The following SCN2A variants were observed in gnomAD, a reference collection of about 807,000 sequenced individuals.
SCN2A encodes the protein sodium channel protein type 2 subunit alpha.
A neutral mutation model predicts 188.7 loss-of-function variants in SCN2A; 20 were observed. The observed-to-expected ratio is 0.11, with a 90% CI of 0.07 to 0.15. The LOEUF is 0.15. Ranked by LOEUF, SCN2A falls within the 10% of genes least tolerant of loss-of-function variation. SCN2A has a pLI of 1.00. For synonymous variants in SCN2A, 804 were observed against 833.1 expected, an observed-to-expected ratio of 0.97 and a Z score of 0.60; for missense variants, 1,278 against 2,445.0, an observed-to-expected ratio of 0.52 and a Z score of 10.07.
chr2:165,348,132 G>A (rs936413165), intron 16 of SCN2A, among the ~76,000 whole-genome samples: 3 of 152,146 alleles, frequency 2.0e-5, no homozygotes, highest in Non-Finnish European at 4.4e-5. Context: ...ACTGAAGTGG[G>A]CGTTTCACTT....
chr2:165,264,812 G>A (rs985674551), intron 1 of SCN2A, among the ~76,000 whole-genome samples: 15 of 151,620 alleles, frequency 9.9e-5, no homozygotes, highest in Non-Finnish European at 1.6e-4. Context: ...TCTTTTTTTT[G>A]TGGCTGCATA....
In SCN2A at chr2:165,250,148, T is replaced by C. The variant is rs138242302; in HGVS notation, c.-52+10508T>C. On this transcript the variant is annotated intron_variant, in intron 1 of 26. Coordinates refer to ENST00000375437, the MANE Select transcript of SCN2A (RefSeq NM_001040142.2). ...ATTGTGTACTATATAAGGACAGATA[T>C]TGTTTTGTATGGTTCTATCAAGCTA... is the stretch of plus-strand genomic sequence containing the variant. 4.8e-3 allele frequency among the ~76,000 whole-genome samples: 735 copies of C among 152,144 alleles called. 8 individuals are homozygous for C. Among genetic ancestry groups the C allele is most frequent in the African/African-American group, 0.017 (701 of 41,538 alleles).
At chr2:165,314,593 T>C (rs1394524345) in intron 10 of SCN2A, among the ~76,000 whole-genome samples, 2 of 152,202 alleles carry the variant, frequency 1.3e-5, no homozygotes, top group Admixed American at 1.3e-4. Context: ...TTCTCTTTTA[T>C]ATAAAGTGTA....
At chr2:165,345,733 G>A (rs1699548685) in intron 16 of SCN2A, among the ~76,000 whole-genome samples, 1 of 152,100 alleles carries the variant, frequency 6.6e-6, no homozygotes, top group South Asian at 2.1e-4. Context: ...TGTTATGTGT[G>A]AATTTGACCC....
At chr2:165,261,616 T>C (rs1044437780) in intron 1 of SCN2A, among the ~76,000 whole-genome samples, 1 of 152,230 alleles carries the variant, frequency 6.6e-6, no homozygotes, top group African/African-American at 2.4e-5. Flanking sequence ...ACCAATGAGT[T>C]GAGATCAATT....
chr2:165,332,799 C>G (rs1698765672), intron 14 of SCN2A, among the ~76,000 whole-genome samples: 1 of 151,952 alleles, frequency 6.6e-6, no homozygotes, highest in Admixed American at 6.6e-5. Flanking sequence ...AAAGGGAATT[C>G]ATTACCTCAC....
chr2:165,358,199 T>C (rs1460772516), intron 17 of SCN2A, among the ~76,000 whole-genome samples: 1 of 152,198 alleles, frequency 6.6e-6, no homozygotes, highest in Non-Finnish European at 1.5e-5. Context: ...TAGGTGCTCT[T>C]TGAAAACTTG....
At chr2:165,374,177 C>A (rs1277898551) in intron 21 of SCN2A, among the ~76,000 whole-genome samples, 1 of 151,910 alleles carries the variant, frequency 6.6e-6, no homozygotes, top group East Asian at 1.9e-4. Context: ...CGGTAAAATT[C>A]TTTTTACTTT....
chr2:165,347,464 G>C (rs908889547), intron 16 of SCN2A, among the ~76,000 whole-genome samples: 4 of 152,090 alleles, frequency 2.6e-5, no homozygotes, highest in African/African-American at 7.2e-5. Flanking sequence ...CTAGGGGAGG[G>C]AGAGCATTAG....
chr2:165,336,368 A>G (rs1698993191), intron 14 of SCN2A, among the ~76,000 whole-genome samples: 1 of 151,940 alleles, frequency 6.6e-6, no homozygotes, highest in Non-Finnish European at 1.5e-5. Flanking sequence ...GAATGGATAA[A>G]CAATATCCAT....
intron 16 of SCN2A, among the ~76,000 whole-genome samples, chr2:165,347,257 C>A (rs1699643427): frequency 1.3e-5 from 2 of 152,268 alleles, no homozygotes; most frequent in South Asian, 2.1e-4. Flanking sequence ...AAATACTATG[C>A]AGCCATAAAA....
intron 23 of SCN2A, among the ~76,000 whole-genome samples, chr2:165,378,327 G>GTT (rs397763725): frequency 3.6e-4 from 52 of 145,882 alleles, no homozygotes; most frequent in Non-Finnish European, 5.3e-4. Flanking sequence ...AATTCCTGAG[G>GTT]TTTTTTTTTT....
At chr2:165,261,760 T>C (rs1694606259) in intron 1 of SCN2A, among the ~76,000 whole-genome samples, 1 of 152,156 alleles carries the variant, frequency 6.6e-6, no homozygotes. Flanking sequence ...CTGTGTACGA[T>C]GTCAATTGTG....
At chr2:165,313,522 G>C in intron 8 of SCN2A, 98 bp from the exon 9 acceptor site, 2 of 1,440,776 alleles carry the variant, frequency 1.4e-6, no homozygotes, top group Non-Finnish European at 1.9e-6. Context: ...TTTTTCTAGT[G>C]CCTGTATAAA....
chr2:165,325,627 AT>A (rs929985411), intron 12 of SCN2A, among the ~76,000 whole-genome samples: 8 of 149,764 alleles, frequency 5.3e-5, no homozygotes, highest in Admixed American at 2.7e-4. Context: ...TCATGTGACT[AT>A]TTTTTTTTTC....
intron 14 of SCN2A, among the ~76,000 whole-genome samples, chr2:165,340,110 C>T (rs1341913958): frequency 6.6e-6 from 1 of 152,182 alleles, no homozygotes; most frequent in Non-Finnish European, 1.5e-5. Context: ...TGAACCTCCA[C>T]TTCGATCTTA....
chr2:165,320,193 C>A (rs1451129039), intron 11 of SCN2A: 1 of 152,246 alleles, frequency 6.6e-6, no homozygotes, highest in African/African-American at 2.4e-5. Context: ...GCAGTCAAAT[C>A]TTAAAGCTCA....
intron 19 of SCN2A, 26 bp downstream of exon 19, chr2:165,367,397 C>A: frequency 6.2e-7 from 1 of 1,611,814 alleles, no homozygotes; most frequent in East Asian, 2.2e-5. Context: ...TCCACTCCTT[C>A]ACCTTTCATC....
chr2:165,364,433 A>G (rs1157665616), intron 17 of SCN2A, among the ~76,000 whole-genome samples: 1 of 152,220 alleles, frequency 6.6e-6, no homozygotes, highest in African/African-American at 2.4e-5. Context: ...AACCTAAAGG[A>G]AAACAAAAGA....
Sources: allele counts gnomAD v4.1 joint callset (sites outside exome capture counted in the v4.1 genomes callset), GRCh38; gene constraint gnomAD v4.1.1; transcripts MANE v1.5; gene names NCBI Gene and HGNC (gene_info 2026-07-23, HGNC 2026-07-21).